The following ANK1 variants were observed in gnomAD, a reference collection of about 807,000 sequenced individuals.
ANK1 encodes the protein ankyrin 1.
ANK1 carries 51 observed loss-of-function variants against 210.4 expected under a neutral mutation model. That is an observed-to-expected ratio of 0.24 (90% CI 0.19 to 0.31). ANK1 has a LOEUF of 0.31. Ranked by LOEUF, ANK1 falls within the 10% of genes least tolerant of loss-of-function variation. The pLI, the probability that ANK1 is intolerant of heterozygous loss-of-function variation, is 1.00. For missense variants in ANK1, 2,051 were observed against 2,504.4 expected (o/e 0.82, Z 3.86); for synonymous variants, 967 against 1,025.9 (o/e 0.94, Z 1.10).
intron 2 of ANK1, among the ~76,000 whole-genome samples, chr8:41,753,060 CTTTT>C (rs761060485): frequency 2.8e-5 from 3 of 106,614 alleles, no homozygotes; most frequent in Non-Finnish European, 1.9e-5. Flanking sequence ...GCCGCAGGCT[CTTTT>C]TTTTTTTTTT....
chr8:41,656,896 G>A (rs531055262), intron 42 of ANK1, among the ~76,000 whole-genome samples: 1 of 152,318 alleles, frequency 6.6e-6, no homozygotes, highest in Non-Finnish European at 1.5e-5. Flanking sequence ...GCCAGGAACT[G>A]CTGCTGCAGT....
At chr8:41,891,996 T>C (rs1819538167) in intron 1 of ANK1, among the ~76,000 whole-genome samples, 2 of 152,244 alleles carry the variant, frequency 1.3e-5, no homozygotes, top group Non-Finnish European at 2.9e-5. Context: ...AGATTAAAGA[T>C]GTGTGATGAG....
intron 1 of ANK1, among the ~76,000 whole-genome samples, chr8:41,764,445 A>G (rs1185558421): frequency 6.6e-6 from 1 of 152,206 alleles, no homozygotes; most frequent in Non-Finnish European, 1.5e-5. Context: ...TACTGACCCA[A>G]AAAACAACAG....
intron 39 of ANK1, 130 bp downstream of exon 39, chr8:41,668,137 C>T (rs556936452): frequency 7.5e-7 from 1 of 1,337,054 alleles, no homozygotes; most frequent in African/African-American, 1.4e-5. Context: ...AACGGAAGCA[C>T]CACCACAAGT....
chr8:41,719,877 A>G lies in ANK1; in HGVS notation c.910-19T>C, dbSNP rs1828802627. 1 of 1,613,582 alleles carries G rather than the reference A, an allele frequency of 6.2e-7. No individual in the cohort carries two copies. Among genetic ancestry groups the G allele is most frequent in the East Asian group, 2.2e-5 (1 of 44,898 alleles). On this transcript the variant is annotated intron_variant, in intron 9 of 42. Coordinates refer to ENST00000289734, the MANE Select transcript of ANK1 (RefSeq NM_000037.4). ...GGCCGTTCTGGGTAAAGAGGAAAAC[A>G]CAAGCAATCACAAAGTCTTCTGGGG...
At chr8:41,751,749 C>A (rs1208958993) in intron 2 of ANK1, among the ~76,000 whole-genome samples, 2 of 152,112 alleles carry the variant, frequency 1.3e-5, no homozygotes, top group African/African-American at 4.8e-5. Context: ...ACCAGTCTTG[C>A]CGCTCTTGTC....
intron 1 of ANK1, among the ~76,000 whole-genome samples, chr8:41,822,130 AAGAGAAAG>A (rs1804499288): frequency 1.1e-4 from 3 of 27,950 alleles, no homozygotes; most frequent in Non-Finnish European, 1.6e-4. Context: ...AAGAGAAAGA[AAGAGAAAG>A]AAAGAAAGAA....
At chr8:41,839,086 A>G (rs1808369743) in intron 1 of ANK1, among the ~76,000 whole-genome samples, 1 of 152,198 alleles carries the variant, frequency 6.6e-6, no homozygotes, top group Non-Finnish European at 1.5e-5. Flanking sequence ...CAAAAAATAA[A>G]TAAATAAATA....
intron 1 of ANK1, among the ~76,000 whole-genome samples, chr8:41,816,174 A>G (rs1222900835): frequency 6.6e-6 from 1 of 152,204 alleles, no homozygotes; most frequent in African/African-American, 2.4e-5. Context: ...ATTTCACGCT[A>G]TTTCCATTAA....
chr8:41,664,289 T>C, intron 39 of ANK1: 1 of 396,282 alleles, frequency 2.5e-6, no homozygotes, highest in East Asian at 7.2e-5. Flanking sequence ...TTGGGCAACA[T>C]AGCGAGCCCC....
chr8:41,794,853 C>T (rs753309052), intron 1 of ANK1, among the ~76,000 whole-genome samples: 7 of 152,138 alleles, frequency 4.6e-5, no homozygotes, highest in African/African-American at 7.2e-5. Flanking sequence ...TACAGGCACA[C>T]GCCACCACGC....
intron 1 of ANK1, among the ~76,000 whole-genome samples, chr8:41,860,550 A>AGC (rs1312024053): frequency 6.6e-6 from 1 of 152,178 alleles, no homozygotes; most frequent in East Asian, 1.9e-4. Context: ...GTGTGACCTG[A>AGC]GCGGGCTACT....
At chr8:41,875,430 C>G (rs1034127066) in intron 1 of ANK1, among the ~76,000 whole-genome samples, 27 of 152,332 alleles carry the variant, frequency 1.8e-4, no homozygotes, top group African/African-American at 6.0e-4. Context: ...CACCACCGGC[C>G]TGCCAAGAGG....
chr8:41,729,626 C>G (rs1334770006), intron 3 of ANK1, among the ~76,000 whole-genome samples: 1 of 152,220 alleles, frequency 6.6e-6, no homozygotes, highest in Non-Finnish European at 1.5e-5. Context: ...CTTAGCCTCT[C>G]AGCACTCTGG....
chr8:41,864,902 T>G (rs1421872242), intron 1 of ANK1, among the ~76,000 whole-genome samples: 1 of 152,074 alleles, frequency 6.6e-6, no homozygotes, highest in Non-Finnish European at 1.5e-5. Flanking sequence ...CCCAAACAAC[T>G]CAGCTTCTCC....
Position 41,822,085 on chromosome 8 carries a change from AG to A in ANK1, c.127-63949del, listed in dbSNP as rs1804399431. 3.1e-4 allele frequency among the ~76,000 whole-genome samples: 12 copies of A among 39,282 alleles called. 1 individual carries two copies. The highest frequency in any genetic ancestry group is 0.013 in the Middle Eastern group (1 of 76). The allele number at this position is 39,282 out of a possible 152,430, so 25.8% of individuals were successfully genotyped here. A position where few individuals can be genotyped will look rare whatever the true frequency, so the allele number is the denominator to read the frequency against. ...AAGAAAGAGAGAGAGAGAGAGAGAGAGAGAGAGAGAGAGAGAGAGAGAGAGA... is the reference window on the plus strand; with the variant it reads ...AAGAAAGAGAGAGAGAGAGAGAGAGAAGAGAGAGAGAGAGAGAGAGAGAGA... On this transcript the variant is annotated intron_variant, in intron 1 of 42. Transcript: ENST00000265709.
At chr8:41,844,288 G>A (rs1319060049) in intron 1 of ANK1, among the ~76,000 whole-genome samples, 3 of 152,176 alleles carry the variant, frequency 2.0e-5, no homozygotes, top group African/African-American at 7.2e-5. Flanking sequence ...GTGCGACCTG[G>A]TCCAATAAGG....
intron 1 of ANK1, among the ~76,000 whole-genome samples, chr8:41,774,774 C>T (rs916363598): frequency 1.3e-5 from 2 of 152,260 alleles, no homozygotes; most frequent in Admixed American, 6.5e-5. Context: ...GCAGAGCATG[C>T]CACATTTCCC....
rs1183629505 is a variant in ANK1 at position 41,723,610 on chromosome 8, G to A, written c.735C>T (p.Ile245=). 11 of 1,613,384 alleles carry A rather than the reference G, an allele frequency of 6.8e-6. No homozygotes were observed. The highest frequency in any genetic ancestry group is 3.3e-5 in the Admixed American group (2 of 60,000). Residue 245 remains isoleucine (I), a synonymous_variant, in exon 8 of 43, where the codon ATC becomes ATT. Transcript: ENST00000289734. Reference sequence around the variant, plus strand: ...TGATCACGTTGCCCCTGCGGGAGGCGATGTGCAGTGGCGTGATGCCGTTCT... The same window carrying A: ...TGATCACGTTGCCCCTGCGGGAGGCAATGTGCAGTGGCGTGATGCCGTTCT... ...TPQNGITPLH[I]ASRRGNVIMV...
Sources: allele counts gnomAD v4.1 joint callset (sites outside exome capture counted in the v4.1 genomes callset), GRCh38; gene constraint gnomAD v4.1.1; transcripts MANE v1.5; gene names NCBI Gene and HGNC (gene_info 2026-07-23, HGNC 2026-07-21).